Variants in CDH9 observed in about 807,000 individuals in gnomAD.
CDH9 encodes the protein cadherin-9.
CDH9 carries 28 observed loss-of-function variants against 70.9 expected under a neutral mutation model. That is an observed-to-expected ratio of 0.40 (90% CI 0.29 to 0.54). The LOEUF (loss-of-function observed/expected upper bound fraction) is 0.54, where lower values mean the gene tolerates loss of function less well. Among genes scored for constraint, CDH9 ranks in the 20% least tolerant of loss-of-function variants. The probability of loss-of-function intolerance (pLI) is 0.59; values close to 1 mark genes in which losing one functional copy is unlikely to be tolerated. For missense variants in CDH9, 874 were observed against 984.4 expected, an observed-to-expected ratio of 0.89 and a Z score of 1.50; for synonymous variants, 409 against 343.1, an observed-to-expected ratio of 1.19 and a Z score of -2.12.
intron 1 of CDH9, among the ~76,000 whole-genome samples, chr5:27,005,334 A>G (rs986152809): frequency 6.6e-6 from 1 of 152,072 alleles, no homozygotes; most frequent in Non-Finnish European, 1.5e-5. Context: ...AAGGGCACCA[A>G]AAGAAACTGC....
chr5:26,895,916 C>G (rs1740741817), intron 7 of CDH9, among the ~76,000 whole-genome samples: 1 of 151,928 alleles, frequency 6.6e-6, no homozygotes, highest in Non-Finnish European at 1.5e-5. Context: ...TGAATTATTG[C>G]TGATTTTTCT....
chr5:27,019,357 GT>G (rs1207289696), intron 1 of CDH9, among the ~76,000 whole-genome samples: 7 of 151,702 alleles, frequency 4.6e-5, no homozygotes, highest in Admixed American at 1.3e-4. Context: ...TTGATCTTTT[GT>G]TTTTTTCTAA....
At chr5:27,026,021 T>C (rs896243411) in intron 1 of CDH9, among the ~76,000 whole-genome samples, 3 of 152,002 alleles carry the variant, frequency 2.0e-5, no homozygotes, top group African/African-American at 7.2e-5. Context: ...ACACTCACAG[T>C]TAAAATTTTA....
chr5:26,941,072 C>T (rs1741654751), intron 2 of CDH9, among the ~76,000 whole-genome samples: 1 of 152,222 alleles, frequency 6.6e-6, no homozygotes, highest in Non-Finnish European at 1.5e-5. Flanking sequence ...CTCACATAAA[C>T]ATACCATCTT....
At chr5:26,913,778 TGTGTG>T (rs1741096546) in intron 3 of CDH9, among the ~76,000 whole-genome samples, 1 of 151,714 alleles carries the variant, frequency 6.6e-6, no homozygotes, top group South Asian at 2.1e-4. Context: ...TGTGTGTGTG[TGTGTG>T]TGTGTGTGTG....
chr5:27,001,844 A>ACACACTCTCTCTCTCT (rs1312157550), intron 1 of CDH9, among the ~76,000 whole-genome samples: 4 of 142,060 alleles, frequency 2.8e-5, no homozygotes, highest in African/African-American at 1.1e-4. Context: ...ACACACACAC[A>ACACACTCTCTCTCTCT]CTCTCTCTCT....
At chr5:26,975,670 A>G (rs1399692759) in intron 2 of CDH9, among the ~76,000 whole-genome samples, 1 of 152,198 alleles carries the variant, frequency 6.6e-6, no homozygotes, top group Non-Finnish European at 1.5e-5. Context: ...GAGGATTATT[A>G]AGAAAGTCTG....
chr5:26,892,767 C>G (rs891301955), intron 7 of CDH9, among the ~76,000 whole-genome samples: 27 of 152,020 alleles, frequency 1.8e-4, no homozygotes, highest in African/African-American at 5.8e-4. Context: ...GTCTCACTCT[C>G]TCGCCCAGGC....
At chr5:27,019,638 A>T (rs1353707761) in intron 1 of CDH9, among the ~76,000 whole-genome samples, 5 of 151,946 alleles carry the variant, frequency 3.3e-5, no homozygotes, top group East Asian at 3.9e-4. Flanking sequence ...CTTAACACAC[A>T]GAGAAGAAAA....
chr5:26,917,454 C>T (rs940785200), intron 2 of CDH9, among the ~76,000 whole-genome samples: 1 of 151,994 alleles, frequency 6.6e-6, no homozygotes, highest in African/African-American at 2.4e-5. Context: ...TAGCTTACCC[C>T]TGTTATGTTG....
At chr5:26,955,337 A>G (rs192694618) in intron 2 of CDH9, among the ~76,000 whole-genome samples, 2 of 152,228 alleles carry the variant, frequency 1.3e-5, no homozygotes, top group Admixed American at 6.5e-5. Context: ...CTAAGGCAAC[A>G]TAAGTGTGTT....
In CDH9 at chr5:26,938,528, T is replaced by C. The variant is rs976616821; in HGVS notation, c.229-22604A>G. On this transcript the variant is annotated intron_variant, in intron 2 of 11. Coordinates refer to ENST00000231021, the MANE Select transcript of CDH9 (RefSeq NM_016279.4). ...ATCGGGTGTGCAAAATATTGTAATT[T>C]GAAGCAAAAATTATTTTACTTTTCT... Among the ~76,000 whole-genome samples the C allele has an allele frequency of 3.4e-4, 52 of 152,186 alleles. 1 individual carries two copies. Among genetic ancestry groups the C allele is most frequent in the African/African-American group, 1.2e-3 (51 of 41,572 alleles).
chr5:26,960,903 T>C (rs1160926946), intron 2 of CDH9, among the ~76,000 whole-genome samples: 2 of 152,104 alleles, frequency 1.3e-5, no homozygotes, highest in Non-Finnish European at 2.9e-5. Flanking sequence ...TTACTTTGTA[T>C]AACTACTAAA....
chr5:26,881,158 C>A lies in CDH9; in HGVS notation c.2348G>T (p.Gly783Val). The change falls in exon 12 of 12, where the codon GGT becomes GTT. Residue 783 changes from glycine (G) to valine (V), a missense_variant. Coordinates refer to ENST00000231021, the MANE Select transcript of CDH9 (RefSeq NM_016279.4). ...RFKKLADMYG[G>V]DDSDRD ...CTCTTAGTCTCGGTCACTATCATCA[C>A]CCCCATACATATCGGCAAGTTTTTT... is the stretch of plus-strand genomic sequence containing the variant. 6.2e-7 allele frequency: 1 copy of A among 1,611,530 alleles called. No individual in the cohort carries two copies. The highest frequency in any genetic ancestry group is 8.5e-7 in the Non-Finnish European group (1 of 1,178,586).
rs2111961178 is a variant in CDH9, at chr5:26,881,316, A to C, written c.2190T>G (p.Pro730=). ...LKENDADPSA[P]PYDSLATYAY... ...CATACGTTGCCAGCGAATCATATGG[A>C]GGTGCACTTGGGTCTGCGTCGTTTT... Residue 730 remains proline, a synonymous_variant, in exon 12 of 12, where the codon CCT becomes CCG. Transcript: ENST00000231021. The C allele has an allele frequency of 1.2e-6, 2 of 1,612,820 alleles. No homozygotes were observed. The highest frequency in any genetic ancestry group is 8.5e-7 in the Non-Finnish European group (1 of 1,178,956).
chr5:26,936,678 C>T (rs1354124937), intron 2 of CDH9, among the ~76,000 whole-genome samples: 1 of 152,064 alleles, frequency 6.6e-6, no homozygotes, highest in Non-Finnish European at 1.5e-5. Context: ...CAGTGTGGTA[C>T]TGGTGAATAA....
chr5:27,008,226 T>C (rs970189312), intron 1 of CDH9, among the ~76,000 whole-genome samples: 1 of 152,090 alleles, frequency 6.6e-6, no homozygotes, highest in African/African-American at 2.4e-5. Context: ...CCGGGCGGGG[T>C]GGCTCACGCC....
At chr5:27,007,702 T>C (rs748474722) in intron 1 of CDH9, among the ~76,000 whole-genome samples, 5 of 152,116 alleles carry the variant, frequency 3.3e-5, no homozygotes, top group Admixed American at 2.6e-4. Context: ...TTGTGTATCT[T>C]AATTAATTCA....
chr5:26,902,632 T>G lies in CDH9; in HGVS notation c.1097A>C (p.Asp366Ala). ...PRFLHLGPFK[D>A]TAVVKISVED... ...CACAGATATTTTGACCACAGCTGTATCTTTGAAAGGTCCCAGGTGTAAGAA... is the reference window on the plus strand; with the variant it reads ...CACAGATATTTTGACCACAGCTGTAGCTTTGAAAGGTCCCAGGTGTAAGAA... Residue 366 changes from aspartate to alanine, a missense_variant, in exon 7 of 12, where the codon GAT becomes GCT. Asp to Ala is a moderately radical substitution (Grantham distance 126, BLOSUM62 -2). Transcript: ENST00000231021. 6.2e-7 allele frequency: 1 copy of G among 1,601,342 alleles called. No homozygotes were observed. The highest frequency in any genetic ancestry group is 8.6e-7 in the Non-Finnish European group (1 of 1,168,684).
Sources: allele counts gnomAD v4.1 joint callset (sites outside exome capture counted in the v4.1 genomes callset), GRCh38; gene constraint gnomAD v4.1.1; transcripts MANE v1.5; gene names NCBI Gene and HGNC (gene_info 2026-07-23, HGNC 2026-07-21).